OLA1: variants seen among roughly 807,000 people sequenced by gnomAD.
OLA1 encodes the protein obg-like ATPase 1.
A neutral mutation model predicts 48.4 loss-of-function variants in OLA1; 14 were observed. The observed-to-expected ratio is 0.29, with a 90% CI of 0.19 to 0.45. The LOEUF is 0.45. Among genes scored for constraint, OLA1 ranks in the 20% least tolerant of loss-of-function variants. The probability of loss-of-function intolerance (pLI) is 1.00; values close to 1 mark genes in which losing one functional copy is unlikely to be tolerated. For missense variants in OLA1, 325 were observed against 467.1 expected (o/e 0.70, Z 2.80); for synonymous variants, 127 against 150.4 (o/e 0.84, Z 1.14).
Position 174,123,304 on chromosome 2 carries a change from C to T in OLA1, c.631-27G>A, listed in dbSNP as rs780760581. 3 of 1,135,114 alleles carry T rather than the reference C, an allele frequency of 2.6e-6. No individual in the cohort carries two copies. The Admixed American group carries it at 7.3e-5, about 28-fold the overall frequency. The allele number at this position is 1,135,114 out of a possible 1,614,324, so 70.3% of individuals were successfully genotyped here. A position where few individuals can be genotyped will look rare whatever the true frequency, so the allele number is the denominator to read the frequency against. ...TAAAGTGGGAGATGGAGAAAGAATCCCTTTTAAAAGTTTAGTAAATATGGA... is the reference window on the plus strand; with the variant it reads ...TAAAGTGGGAGATGGAGAAAGAATCTCTTTTAAAAGTTTAGTAAATATGGA... On this transcript the variant is annotated intron_variant, in intron 6 of 10. Coordinates refer to ENST00000284719, the MANE Select transcript of OLA1 (RefSeq NM_013341.5).
chr2:174,213,234 G>C (rs191748103), intron 4 of OLA1, among the ~76,000 whole-genome samples: 1 of 150,650 alleles, frequency 6.6e-6, no homozygotes, highest in African/African-American at 2.5e-5. Context: ...TTCTAAACCG[G>C]GAAGAAAACT....
chr2:174,205,399 TAAAG>T (rs1473012113), intron 4 of OLA1, among the ~76,000 whole-genome samples: 3 of 152,308 alleles, frequency 2.0e-5, no homozygotes, highest in African/African-American at 7.2e-5. Context: ...AATTGGAAGA[TAAAG>T]AACACTATTC....
intron 4 of OLA1, among the ~76,000 whole-genome samples, chr2:174,159,849 T>C (rs968394822): frequency 3.3e-5 from 5 of 152,052 alleles, no homozygotes; most frequent in Non-Finnish European, 7.4e-5. Flanking sequence ...GTTATGTATA[T>C]ATTTATTACA....
At chr2:174,181,126 A>G (rs897518583) in intron 4 of OLA1, among the ~76,000 whole-genome samples, 10 of 152,198 alleles carry the variant, frequency 6.6e-5, no homozygotes, top group African/African-American at 1.2e-4. Flanking sequence ...CAAAACAAAT[A>G]ATAAAAAAAA....
At chr2:174,097,889 G>A (rs188538352) in intron 7 of OLA1, among the ~76,000 whole-genome samples, 199 of 152,222 alleles carry the variant, frequency 1.3e-3, no homozygotes, top group African/African-American at 4.0e-3. Flanking sequence ...TCTAATAAAA[G>A]AGTCCATTCC....
chr2:174,182,516 A>C (rs1304233623), intron 4 of OLA1, among the ~76,000 whole-genome samples: 2 of 152,174 alleles, frequency 1.3e-5, no homozygotes, highest in Non-Finnish European at 2.9e-5. Context: ...AACAAGAGCA[A>C]AACTCCGTCT....
At chr2:174,203,321 T>G (rs1449223971) in intron 4 of OLA1, among the ~76,000 whole-genome samples, 1 of 152,164 alleles carries the variant, frequency 6.6e-6, no homozygotes, top group Non-Finnish European at 1.5e-5. Flanking sequence ...AATTCAAATT[T>G]AAATTATAGC....
At chr2:174,199,747 T>C (rs1559001230) in intron 4 of OLA1, among the ~76,000 whole-genome samples, 1 of 152,056 alleles carries the variant, frequency 6.6e-6, no homozygotes, top group Non-Finnish European at 1.5e-5. Context: ...TGTTCATTGT[T>C]ATAGTTGCAG....
At chr2:174,219,006 T>TTTTTTG (rs57416373) in intron 4 of OLA1, among the ~76,000 whole-genome samples, 17,095 of 135,406 alleles carry the variant, frequency 0.13, 1,468 homozygotes, top group Non-Finnish European at 0.19. Flanking sequence ...TTTTTTTTTT[T>TTTTTTG]GTAGCAATGT....
chr2:174,131,068 C>T (rs1686169432), intron 5 of OLA1, among the ~76,000 whole-genome samples: 1 of 152,096 alleles, frequency 6.6e-6, no homozygotes, highest in Non-Finnish European at 1.5e-5. Context: ...AGAGAATGAA[C>T]ACGTCTGTAA....
chr2:174,088,836 A>G (rs945646103), intron 7 of OLA1, among the ~76,000 whole-genome samples: 4 of 149,788 alleles, frequency 2.7e-5, no homozygotes, highest in Non-Finnish European at 5.9e-5. Context: ...TAAGAGCACA[A>G]TCATACTCCA....
intron 4 of OLA1, among the ~76,000 whole-genome samples, chr2:174,207,416 A>G (rs1016446402): frequency 6.6e-6 from 1 of 152,204 alleles, no homozygotes; most frequent in Non-Finnish European, 1.5e-5. Flanking sequence ...TGTCATTAAT[A>G]ACAAAGGAAA....
chr2:174,186,138 T>C (rs1319893619), intron 4 of OLA1, among the ~76,000 whole-genome samples: 1 of 152,180 alleles, frequency 6.6e-6, no homozygotes, highest in African/African-American at 2.4e-5. Context: ...ACATATCATG[T>C]TTTTGAATGG....
At chr2:174,120,317 T>C (rs1000570959) in intron 7 of OLA1, among the ~76,000 whole-genome samples, 2 of 152,146 alleles carry the variant, frequency 1.3e-5, no homozygotes, top group Admixed American at 6.6e-5. Flanking sequence ...ATACCGTCTA[T>C]AGTATAATCT....
At chr2:174,141,158 C>T (rs1246443305) in intron 5 of OLA1, among the ~76,000 whole-genome samples, 1 of 152,186 alleles carries the variant, frequency 6.6e-6, no homozygotes, top group Non-Finnish European at 1.5e-5. Context: ...TCTTGAACTT[C>T]TGATCTCAGG....
intron 6 of OLA1, 54 bp downstream of exon 6, chr2:174,123,541 C>T (rs1307132557): frequency 9.5e-7 from 1 of 1,052,942 alleles, no homozygotes; most frequent in African/African-American, 1.6e-5. Flanking sequence ...CTAATTTGTT[C>T]CCTAGCAAAT....
chr2:174,224,600 C>T (rs1317124501), intron 3 of OLA1, among the ~76,000 whole-genome samples: 1 of 149,588 alleles, frequency 6.7e-6, no homozygotes, highest in African/African-American at 2.4e-5. Context: ...CATGGTGAGA[C>T]TCCACCTCTT....
intron 5 of OLA1, among the ~76,000 whole-genome samples, chr2:174,131,943 T>C (rs1011840779): frequency 6.6e-6 from 1 of 152,104 alleles, no homozygotes; most frequent in African/African-American, 2.4e-5. Flanking sequence ...TTCTACTGTA[T>C]GGAAGAGTGT....
chr2:174,172,052 GA>G, intron 4 of OLA1: 1 of 199,994 alleles, frequency 5.0e-6, no homozygotes, highest in Non-Finnish European at 1.1e-5. Flanking sequence ...TTCAATGTAA[GA>G]AAAGGATATG....
Sources: gnomAD v4.1 joint callset for allele counts (sites outside exome capture counted in the v4.1 genomes callset) on GRCh38, gnomAD v4.1.1 for gene constraint, MANE v1.5 for transcripts, NCBI Gene and HGNC (gene_info 2026-07-23, HGNC 2026-07-21) for gene names.